The following SQOR variants were observed in gnomAD, a reference collection of about 807,000 sequenced individuals.
SQOR encodes the protein sulfide:quinone oxidoreductase, mitochondrial.
In SQOR, 39 loss-of-function variants were observed where a neutral mutation model predicts 48.6. The observed-to-expected ratio is 0.80, with a 90% CI of 0.62 to 1.05. The LOEUF (loss-of-function observed/expected upper bound fraction) is 1.05, where lower values mean the gene tolerates loss of function less well. SQOR is among the 50% of genes least tolerant of loss of function. SQOR has a pLI of 0.00. For synonymous variants in SQOR, 220 were observed against 206.2 expected (o/e 1.07, Z -0.57); for missense variants, 561 against 559.9 (o/e 1.00, Z -0.02).
intron 4 of SQOR, among the ~76,000 whole-genome samples, chr15:45,671,973 G>A (rs1889953376): frequency 6.6e-6 from 1 of 152,172 alleles, no homozygotes; most frequent in African/African-American, 2.4e-5. Context: ...TCCCAGGGAA[G>A]CAACTCTGAC....
intron 2 of SQOR, among the ~76,000 whole-genome samples, chr15:45,659,869 T>C (rs1889689294): frequency 6.6e-6 from 1 of 152,146 alleles, no homozygotes; most frequent in African/African-American, 2.4e-5. Context: ...CCCATGACAC[T>C]CTCCCAGTGC....
chr15:45,647,931 A>G (rs1276457192), intron 1 of SQOR, among the ~76,000 whole-genome samples: 1 of 152,172 alleles, frequency 6.6e-6, no homozygotes, highest in African/African-American at 2.4e-5. Flanking sequence ...CAAAAACAAA[A>G]TAAAATAAAA....
At position 45,673,904 on chromosome 15, in the gene SQOR, G is replaced by A. The variant is rs1174520608; in HGVS notation, c.654+103G>A. The A allele has an allele frequency of 3.2e-5, 37 of 1,140,956 alleles. 1 individual carries two copies. Among genetic ancestry groups the A allele is most frequent in the Admixed American group, 1.1e-4 (4 of 35,704 alleles). The allele number at this position is 1,140,956 out of a possible 1,614,324, so 70.7% of individuals were successfully genotyped here. Reference sequence around the variant, plus strand: ...TCTATTGTAATCCCTTTTTTATCTCGGAATTTTTATTACATGTGTACAAAA... The same window carrying A: ...TCTATTGTAATCCCTTTTTTATCTCAGAATTTTTATTACATGTGTACAAAA... On this transcript the variant is annotated intron_variant, in intron 5 of 9. Transcript: ENST00000260324.
At position 45,661,991 on chromosome 15, in the gene SQOR, G is replaced by A. The variant is rs766162333; in HGVS notation, c.271G>A (p.Ala91Thr). ...CCAGCCAATCTGGACACTGGTGGGTGCTGGTGCCAAACAATTGTCCTCATC... is the reference window on the plus strand; with the variant it reads ...CCAGCCAATCTGGACACTGGTGGGTACTGGTGCCAAACAATTGTCCTCATC... ...FYQPIWTLVG[A>T]GAKQLSSSGR... Residue 91 changes from alanine (A) to threonine (T), a missense_variant, in exon 3 of 10, where the codon GCT becomes ACT. Transcript: ENST00000260324. 1.2e-6 allele frequency: 2 copies of A among 1,614,186 alleles called. No homozygotes were observed. The highest frequency in any genetic ancestry group is 4.5e-5 in the East Asian group (2 of 44,890).
Position 45,689,094 on chromosome 15 carries a change from C to A in SQOR, c.1172C>A (p.Ala391Asp). The change falls in exon 9 of 10, where the codon GCT becomes GAT. Residue 391 changes from alanine (A) to aspartate (D), a missense_variant. Coordinates refer to ENST00000260324, the MANE Select transcript of SQOR (RefSeq NM_021199.4). ...ACCGGCTACAACCGTGTGATTCTTG[C>A]TGAGTTTGACTACAAAGCAGAGCCG... ...LVTGYNRVIL[A>D]EFDYKAEPLE... The A allele has an allele frequency of 6.2e-7, 1 of 1,614,138 alleles. No homozygotes were observed. Among genetic ancestry groups the A allele is most frequent in the Non-Finnish European group, 8.5e-7 (1 of 1,180,032 alleles).
chr15:45,689,138 G>C lies in SQOR; in HGVS notation c.1216G>C (p.Asp406His). The stretch of plus-strand genomic sequence containing the variant: ...AGAGCCGCTAGAAACCTTCCCCTTT[G>C]ATCAAAGCAAAGAGCGCCTTTCCAT... ...KAEPLETFPF[D>H]QSKERLSMYL... Residue 406 changes from aspartate to histidine, a missense_variant, in exon 9 of 10, where the codon GAT becomes CAT. Physicochemically the swap from Asp to His is moderately conservative, Grantham distance 81. Coordinates refer to ENST00000260324, the MANE Select transcript of SQOR (RefSeq NM_021199.4). 6.2e-7 allele frequency: 1 copy of C among 1,614,126 alleles called. No homozygotes were observed. Among genetic ancestry groups the C allele is most frequent in the South Asian group, 1.1e-5 (1 of 91,076 alleles).
intron 1 of SQOR, among the ~76,000 whole-genome samples, chr15:45,656,487 T>C (rs1889614044): frequency 6.6e-6 from 1 of 151,522 alleles, no homozygotes; most frequent in East Asian, 1.9e-4. Context: ...AGTTGGGGTT[T>C]CCCCATGTTT....
At chr15:45,637,939 G>A (rs1164440680) in intron 1 of SQOR, among the ~76,000 whole-genome samples, 1 of 152,200 alleles carries the variant, frequency 6.6e-6, no homozygotes, top group African/African-American at 2.4e-5. Flanking sequence ...GTAAATAGGA[G>A]CAGTTTGGAT....
At chr15:45,650,729 C>A (rs1228112436) in intron 1 of SQOR, among the ~76,000 whole-genome samples, 1 of 151,968 alleles carries the variant, frequency 6.6e-6, no homozygotes, top group Non-Finnish European at 1.5e-5. Context: ...TGTTTACAAA[C>A]CTTGAGCTAG....
upstream of SQOR, among the ~76,000 whole-genome samples, chr15:45,632,216 C>T (rs2140932783): frequency 6.9e-6 from 1 of 144,020 alleles, no homozygotes; most frequent in East Asian, 2.1e-4. Context: ...CTCCCTCCCT[C>T]CCTCCTTCCT....
intron 1 of SQOR, among the ~76,000 whole-genome samples, chr15:45,650,590 G>C (rs780421961): frequency 1.8e-4 from 27 of 152,172 alleles, no homozygotes; most frequent in Non-Finnish European, 5.9e-5. Flanking sequence ...CCGCTCGCTC[G>C]GGCAGCCTGC....
At chr15:45,677,294 C>G (rs1890055026) in intron 6 of SQOR, among the ~76,000 whole-genome samples, 1 of 152,084 alleles carries the variant, frequency 6.6e-6, no homozygotes, top group African/African-American at 2.4e-5. Flanking sequence ...TTACATATAT[C>G]ATGCATCAGC....
chr15:45,642,907 A>C (rs1282259866), intron 1 of SQOR, among the ~76,000 whole-genome samples: 2 of 152,106 alleles, frequency 1.3e-5, no homozygotes, highest in Non-Finnish European at 2.9e-5. Context: ...TCAGGAGCTT[A>C]TCGCTCACAC....
Position 45,682,657 on chromosome 15 carries a change from A to G in SQOR, c.1044A>G (p.Ala348=). ...TTCCTACGTCAAAGACCGCTGCTGC[A>G]GTAGGTAAGTCAACCAGCTCCATTT... is the stretch of plus-strand genomic sequence containing the variant. ...TNLPTSKTAA[A]VAAQSGILDR... The change falls in exon 7 of 10, where the codon GCA becomes GCG. Residue 348 remains alanine (A), a synonymous_variant. Transcript: ENST00000260324. 2 of 1,613,524 alleles carry G rather than the reference A, an allele frequency of 1.2e-6. No individual in the cohort carries two copies. Among genetic ancestry groups the G allele is most frequent in the Non-Finnish European group, 1.7e-6 (2 of 1,179,510 alleles).
At chr15:45,634,203 T>TATATATATATATATATATAC (rs1400355337), upstream of SQOR, among the ~76,000 whole-genome samples, 2 of 109,606 alleles carry the variant, frequency 1.8e-5, no homozygotes, top group Non-Finnish European at 3.6e-5. Context: ...AACAACTATA[T>TATATATATATATATATATAC]ATATATATAT....
chr15:45,642,304 A>G (rs1000851999), intron 1 of SQOR, among the ~76,000 whole-genome samples: 3 of 152,216 alleles, frequency 2.0e-5, no homozygotes, highest in African/African-American at 7.2e-5. Flanking sequence ...AACCTTGTGC[A>G]TGGTGGAGAA....
chr15:45,647,449 C>T (rs914575361), intron 1 of SQOR, among the ~76,000 whole-genome samples: 5 of 151,260 alleles, frequency 3.3e-5, no homozygotes, highest in Non-Finnish European at 1.5e-5. Flanking sequence ...GCCTCAGCCT[C>T]CCTAGTAGCT....
intron 6 of SQOR, among the ~76,000 whole-genome samples, chr15:45,682,183 G>T (rs989134972): frequency 1.3e-5 from 2 of 152,162 alleles, no homozygotes; most frequent in Non-Finnish European, 2.9e-5. Context: ...GATTTTTTCA[G>T]AATATTAGTG....
intron 3 of SQOR, among the ~76,000 whole-genome samples, chr15:45,665,238 T>C (rs1736734900): frequency 6.6e-6 from 1 of 152,206 alleles, no homozygotes; most frequent in South Asian, 2.1e-4. Context: ...AAAGCTGTAG[T>C]GTCTTGTTTT....
Sources: allele counts gnomAD v4.1 joint callset (sites outside exome capture counted in the v4.1 genomes callset), GRCh38; gene constraint gnomAD v4.1.1; transcripts MANE v1.5; gene names NCBI Gene and HGNC (gene_info 2026-07-23, HGNC 2026-07-21).